Variants in R3HCC1L observed in about 807,000 individuals in gnomAD.
The protein encoded by R3HCC1L is R3H domain and coiled-coil containing 1 like, also known as coiled-coil domain-containing protein R3HCC1L.
Under a neutral mutation model 59.9 loss-of-function variants are expected in R3HCC1L, and 51 were observed. The observed-to-expected ratio is 0.85, with a 90% CI of 0.68 to 1.07. R3HCC1L has a LOEUF of 1.07. Among genes scored for constraint, R3HCC1L ranks in the 50% least tolerant of loss-of-function variants. The probability of loss-of-function intolerance (pLI) is 0.00; values close to 1 mark genes in which losing one functional copy is unlikely to be tolerated. For missense variants in R3HCC1L, 965 were observed against 933.0 expected, an observed-to-expected ratio of 1.03 and a Z score of -0.45; for synonymous variants, 322 against 315.2, an observed-to-expected ratio of 1.02 and a Z score of -0.23.
chr10:98,218,756 A>G (rs1554851155), intron 5 of R3HCC1L, among the ~76,000 whole-genome samples: 1 of 152,156 alleles, frequency 6.6e-6, no homozygotes, highest in African/African-American at 2.4e-5. Flanking sequence ...GATCTGTCCA[A>G]TGCTGAGAGT....
intron 5 of R3HCC1L, among the ~76,000 whole-genome samples, chr10:98,217,870 T>C (rs1428362709): frequency 6.6e-6 from 1 of 152,210 alleles, no homozygotes; most frequent in African/African-American, 2.4e-5. Context: ...GCTGACTTTG[T>C]ATCTGGTAAT....
chr10:98,199,105 T>C (rs897321299), intron 4 of R3HCC1L, among the ~76,000 whole-genome samples: 4 of 152,122 alleles, frequency 2.6e-5, no homozygotes, highest in African/African-American at 7.2e-5. Flanking sequence ...ACAGCACATC[T>C]CAGTTTAGAC....
At chr10:98,193,393 A>G (rs972871449) in intron 4 of R3HCC1L, among the ~76,000 whole-genome samples, 1 of 152,160 alleles carries the variant, frequency 6.6e-6, no homozygotes, top group Non-Finnish European at 1.5e-5. Flanking sequence ...AAATAAAAAA[A>G]ACTGTAAGAA....
rs141432111 is a variant in R3HCC1L at position 98,172,389 on chromosome 10, G to A, written c.-15+8992G>A. Among the ~76,000 whole-genome samples, 465 of 152,274 alleles carry A rather than the reference G, an allele frequency of 3.1e-3. 4 individuals are homozygous for A. The highest frequency in any genetic ancestry group is 9.2e-3 in the African/African-American group (384 of 41,544). ...AGAATGAAACTGTAACATTTTTAGC[G>A]TGGTTCATGACAGCAAAGCTGAGGT... is the stretch of plus-strand genomic sequence containing the variant. On this transcript the variant is annotated intron_variant, in intron 4 of 9. Transcript: ENST00000298999.
chr10:98,222,713 C>T (rs1855166738), intron 5 of R3HCC1L, among the ~76,000 whole-genome samples: 1 of 152,020 alleles, frequency 6.6e-6, no homozygotes, highest in Non-Finnish European at 1.5e-5. Context: ...ACCAGCCTTG[C>T]ATCCAAAAAC....
chr10:98,214,588 G>T (rs1853951279), intron 5 of R3HCC1L, among the ~76,000 whole-genome samples: 1 of 152,116 alleles, frequency 6.6e-6, no homozygotes, highest in South Asian at 2.1e-4. Context: ...AAATCTTGTT[G>T]TCCTTGTCAC....
chr10:98,232,827 C>G (rs1216129368), intron 6 of R3HCC1L, among the ~76,000 whole-genome samples: 1 of 152,100 alleles, frequency 6.6e-6, no homozygotes, highest in Non-Finnish European at 1.5e-5. Context: ...TGGCTGTAAA[C>G]TAAAACTTTA....
intron 4 of R3HCC1L, among the ~76,000 whole-genome samples, chr10:98,202,449 A>T (rs1280103498): frequency 6.6e-6 from 1 of 152,198 alleles, no homozygotes; most frequent in Non-Finnish European, 1.5e-5. Flanking sequence ...TCAAGATGTG[A>T]TGCCCTGAGG....
In R3HCC1L at chr10:98,234,431, T is replaced by G. The variant is rs990583921; in HGVS notation, c.1962-15T>G. The G allele has an allele frequency of 1.2e-6, 2 of 1,609,092 alleles. No individual in the cohort carries two copies. Among genetic ancestry groups the G allele is most frequent in the African/African-American group, 2.7e-5 (2 of 74,760 alleles). ...ATTTTATTTTAGGAAATAAAATTGT[T>G]TTTTTGTGTTGCAGAAAGAAAGGAT... On this transcript the variant is annotated splice_polypyrimidine_tract_variant and intron_variant, in intron 6 of 9. Coordinates refer to ENST00000298999, the MANE Select transcript of R3HCC1L (RefSeq NM_001351015.2).
intron 4 of R3HCC1L, among the ~76,000 whole-genome samples, chr10:98,171,773 C>T (rs995922710): frequency 6.6e-6 from 1 of 152,094 alleles, no homozygotes; most frequent in African/African-American, 2.4e-5. Flanking sequence ...GTGGAAATAA[C>T]TTTGACACAA....
intron 1 of R3HCC1L, among the ~76,000 whole-genome samples, chr10:98,144,301 C>T (rs1227317403): frequency 3.3e-5 from 5 of 152,076 alleles, no homozygotes; most frequent in African/African-American, 7.2e-5. Context: ...CTGCAACCTC[C>T]GCCTCCCAGG....
chr10:98,239,454 C>G (rs10732781), intron 9 of R3HCC1L, among the ~76,000 whole-genome samples: 145,580 of 152,142 alleles, frequency 0.96, 69,957 homozygotes, highest in East Asian at 1. Context: ...CGCTTGAAGA[C>G]TTCTGCTGTC....
chr10:98,209,509 C>T lies in R3HCC1L; in HGVS notation c.1395C>T (p.Ser465=). 1 of 1,613,734 alleles carries T rather than the reference C, an allele frequency of 6.2e-7. No individual in the cohort carries two copies. Among genetic ancestry groups the T allele is most frequent in the Non-Finnish European group, 8.5e-7 (1 of 1,179,946 alleles). The change falls in exon 5 of 10, where the codon AGC becomes AGT. Residue 465 remains serine, a synonymous_variant. Coordinates refer to ENST00000298999, the MANE Select transcript of R3HCC1L (RefSeq NM_001351015.2). ...FTESTGKLIE[S]LSDCASSLPI... Reference sequence around the variant, plus strand: ...AGTCAACAGGAAAGTTGATAGAGAGCTTGTCAGATTGTGCTTCCTCCTTAC... The same window carrying T: ...AGTCAACAGGAAAGTTGATAGAGAGTTTGTCAGATTGTGCTTCCTCCTTAC...
chr10:98,218,548 A>G (rs1162708613), intron 5 of R3HCC1L, among the ~76,000 whole-genome samples: 1 of 152,106 alleles, frequency 6.6e-6, no homozygotes, highest in Non-Finnish European at 1.5e-5. Context: ...TTCCAATGTT[A>G]TCTTTATGAA....
In R3HCC1L at chr10:98,209,371, T is replaced by G. The variant is rs201390204; in HGVS notation, c.1257T>G (p.Ser419Arg). The G allele has an allele frequency of 6.2e-7, 1 of 1,613,952 alleles. No individual in the cohort carries two copies. The highest frequency in any genetic ancestry group is 2.2e-5 in the East Asian group (1 of 44,856). The change falls in exon 5 of 10, where the codon AGT (serine) becomes AGG (arginine). Residue 419 changes from serine (S) to arginine (R), a missense_variant. Transcript: ENST00000298999. ...GTTTCTCAAAGTTTGTAGGAATGAG[T>G]GCAGATGCAACCCCTCTTCATGTAG... ...TRSFSKFVGM[S>R]ADATPLHVAR... is the part of the protein sequence containing the mutation.
chr10:98,219,577 C>T (rs1215483209), intron 5 of R3HCC1L, among the ~76,000 whole-genome samples: 1 of 152,086 alleles, frequency 6.6e-6, no homozygotes, highest in Admixed American at 6.5e-5. Flanking sequence ...TTCTTTCTCT[C>T]ATTTGTGTCT....
intron 1 of R3HCC1L, among the ~76,000 whole-genome samples, chr10:98,147,822 T>C (rs1390904169): frequency 6.6e-6 from 1 of 152,182 alleles, no homozygotes; most frequent in Non-Finnish European, 1.5e-5. Flanking sequence ...TTTTGTAGTG[T>C]AATTTGAAGT....
intron 1 of R3HCC1L, among the ~76,000 whole-genome samples, chr10:98,153,228 A>G (rs1419316019): frequency 6.6e-6 from 1 of 152,218 alleles, no homozygotes; most frequent in East Asian, 1.9e-4. Context: ...CTGTGTAGAA[A>G]GAAGTAGACA....
At chr10:98,224,150 A>G (rs910848519) in intron 5 of R3HCC1L, among the ~76,000 whole-genome samples, 2 of 151,954 alleles carry the variant, frequency 1.3e-5, no homozygotes, top group Non-Finnish European at 2.9e-5. Flanking sequence ...GCTCATTCTT[A>G]GGCCCCAGGA....
Sources: gnomAD v4.1 joint callset for allele counts (sites outside exome capture counted in the v4.1 genomes callset) on GRCh38, gnomAD v4.1.1 for gene constraint, MANE v1.5 for transcripts, NCBI Gene and HGNC (gene_info 2026-07-23, HGNC 2026-07-21) for gene names.